The following CCDC117 variants were observed in gnomAD, a reference collection of about 807,000 sequenced individuals.
The protein encoded by CCDC117 is coiled-coil domain-containing protein 117.
CCDC117 carries 1 observed loss-of-function variant against 23.5 expected under a neutral mutation model. The observed-to-expected ratio is 0.04, with a 90% CI of 0.02 to 0.20. CCDC117 has a LOEUF of 0.20. Among genes scored for constraint, CCDC117 ranks in the 10% least tolerant of loss-of-function variants. The pLI, the probability that CCDC117 is intolerant of heterozygous loss-of-function variation, is 1.00. For missense variants in CCDC117, 383 were observed against 348.2 expected (o/e 1.10, Z -0.80); for synonymous variants, 132 against 124.8 (o/e 1.06, Z -0.39).
At position 28,787,331 on chromosome 22, in the gene CCDC117, G is replaced by A. The variant is rs2146258127; in HGVS notation, c.*1005G>A. The A allele has an allele frequency of 6.6e-6, 1 of 152,124 alleles. No individual in the cohort carries two copies. The highest frequency in any genetic ancestry group is 2.1e-4 in the South Asian group (1 of 4,826). The allele number at this position is 152,124 out of a possible 1,614,324, so 9.4% of individuals were successfully genotyped here. A position where few individuals can be genotyped will look rare whatever the true frequency, so the allele number is the denominator to read the frequency against. On this transcript the variant is annotated 3_prime_UTR_variant, in exon 5 of 5. Coordinates refer to ENST00000249064, the MANE Select transcript of CCDC117 (RefSeq NM_173510.4). ...ATTTTTGTATTTTTAATAGAGACCG[G>A]TTTTGCCATGTTGGCCAGGCTGGTC...
rs1000132976 is a variant in CCDC117 at position 28,773,606 on chromosome 22, C to T, written c.186-119C>T. ...TGTGATTTGTACCCATCCCACTAGG[C>T]TCAGAAAGGGACGTTTGGTATGTGG... is the stretch of plus-strand genomic sequence containing the variant. On this transcript the variant is annotated intron_variant, in intron 1 of 4. Transcript: ENST00000249064. The T allele has an allele frequency of 6.4e-6, 5 of 784,088 alleles. No individual in the cohort carries two copies. In the Admixed American group the frequency reaches 1.0e-4, roughly 16 times the overall value. 48.6% of individuals were successfully genotyped at this position (784,088 alleles called of 1,614,324 possible).
chr22:28,786,623 A>G lies in CCDC117; in HGVS notation c.*297A>G. 5 of 285,678 alleles carry G rather than the reference A, an allele frequency of 1.8e-5. No homozygotes were observed. Among genetic ancestry groups the G allele is most frequent in the East Asian group, 7.5e-5 (1 of 13,328 alleles). The allele number at this position is 285,678 out of a possible 1,614,324, so 17.7% of individuals were successfully genotyped here. On this transcript the variant is annotated 3_prime_UTR_variant, in exon 5 of 5. Transcript: ENST00000249064. ...TGTATGTGTAAGGGTGACTTAAATC[A>G]TATGTCACATTGTCTAAACTATTCA...
Position 28,773,791 on chromosome 22 carries a change from GGTT to G in CCDC117, c.239+17_239+19del, listed in dbSNP as rs746098332. The stretch of plus-strand genomic sequence containing the variant: ...AGGAGGATGATGAGTAAGTTTCAGT[GGTT>G]GTTTATTCACTCTGTGGTCACCGTT... On this transcript the variant is annotated intron_variant, in intron 2 of 4. Transcript: ENST00000249064. The G allele has an allele frequency of 3.4e-5, 55 of 1,609,206 alleles. No homozygotes were observed. In the South Asian group the frequency reaches 3.6e-4, roughly 11 times the overall value.
intron 2 of CCDC117, among the ~76,000 whole-genome samples, chr22:28,777,956 TTC>T (rs1206796587): frequency 2.6e-5 from 4 of 151,882 alleles, no homozygotes; most frequent in Admixed American, 2.6e-4. Context: ...GTTCAAGCAA[TTC>T]TCTCAGCCTC....
chr22:28,776,638 G>A (rs1365057408), intron 2 of CCDC117, among the ~76,000 whole-genome samples: 1 of 150,462 alleles, frequency 6.6e-6, no homozygotes, highest in South Asian at 2.1e-4. Context: ...AGGCTGGAGC[G>A]CAATGGTGCA....
intron 2 of CCDC117, among the ~76,000 whole-genome samples, chr22:28,778,513 C>T (rs911358521): frequency 2.0e-5 from 3 of 151,970 alleles, no homozygotes; most frequent in South Asian, 2.1e-4. Flanking sequence ...GGGGCTGAGG[C>T]GGGAGAATTG....
At chr22:28,785,859 G>C (rs1356959359) in intron 4 of CCDC117, among the ~76,000 whole-genome samples, 1 of 151,348 alleles carries the variant, frequency 6.6e-6, no homozygotes, top group Non-Finnish European at 1.5e-5. Context: ...GGAGTTAAAG[G>C]CTGCGGTGAG....
chr22:28,776,730 A>G (rs965683169), intron 2 of CCDC117, among the ~76,000 whole-genome samples: 1 of 151,468 alleles, frequency 6.6e-6, no homozygotes, highest in Admixed American at 6.6e-5. Context: ...GATTACAGGC[A>G]TGTGCCTCCA....
intron 3 of CCDC117, among the ~76,000 whole-genome samples, chr22:28,782,334 C>T (rs927906596): frequency 1.4e-5 from 2 of 146,282 alleles, no homozygotes; most frequent in South Asian, 4.5e-4. Context: ...TCGGCGCTCA[C>T]TGCAACCTCC....
Position 28,786,514 on chromosome 22 carries a change from T to A in CCDC117, c.*188T>A. 1 of 552,836 alleles carries A rather than the reference T, an allele frequency of 1.8e-6. No homozygotes were observed. Among genetic ancestry groups the A allele is most frequent in the African/African-American group, 1.9e-5 (1 of 53,140 alleles). The allele number at this position is 552,836 out of a possible 1,614,324, so 34.2% of individuals were successfully genotyped here. ...TGACTTCACCTTTTTGCCAAGGACGTTTGTCTCAAGGGAAAAGCAGTTTTC... is the reference window on the plus strand; with the variant it reads ...TGACTTCACCTTTTTGCCAAGGACGATTGTCTCAAGGGAAAAGCAGTTTTC... On this transcript the variant is annotated 3_prime_UTR_variant, in exon 5 of 5. Transcript: ENST00000249064.
At chr22:28,774,327 A>G (rs2031097368) in intron 2 of CCDC117, among the ~76,000 whole-genome samples, 1 of 150,500 alleles carries the variant, frequency 6.6e-6, no homozygotes, top group East Asian at 1.9e-4. Flanking sequence ...TCAGCCTCCC[A>G]AAGTGCTGAG....
Position 28,772,726 on chromosome 22 carries a change from G to C in CCDC117, c.-124G>C. On this transcript the variant is annotated 5_prime_UTR_variant, in exon 1 of 5. Transcript: ENST00000249064. ...CCTGAGGTGGAGGGTTCTAGAAGGC[G>C]TGACGTGGGGTCGAGAGCGGGATCC... 2.7e-6 allele frequency: 2 copies of C among 743,426 alleles called. No individual in the cohort carries two copies. Among genetic ancestry groups the C allele is most frequent in the Non-Finnish European group, 1.8e-6 (1 of 551,096 alleles). The allele number at this position is 743,426 out of a possible 1,614,324, so 46.1% of individuals were successfully genotyped here.
At position 28,787,082 on chromosome 22, in the gene CCDC117, A is replaced by C. The variant is rs73881146; in HGVS notation, c.*756A>C. ...AAGATTATGAGGTAACCCATCTGCA[A>C]TTTGCCTGTGGGAGAAGCATCCTTT... On this transcript the variant is annotated 3_prime_UTR_variant, in exon 5 of 5. Transcript: ENST00000249064. 1 of 152,728 alleles carries C rather than the reference A, an allele frequency of 6.5e-6. No individual in the cohort carries two copies. Among genetic ancestry groups the C allele is most frequent in the Admixed American group, 6.5e-5 (1 of 15,298 alleles). 9.5% of individuals were successfully genotyped at this position (152,728 alleles called of 1,614,324 possible). A position where few individuals can be genotyped will look rare whatever the true frequency, so the allele number is the denominator to read the frequency against.
In CCDC117 at chr22:28,773,900, A is replaced by G. The variant is rs2031078907; in HGVS notation, c.239+122A>G. 3.9e-6 allele frequency: 3 copies of G among 766,720 alleles called. No homozygotes were observed. The South Asian group carries it at 4.6e-5, about 12-fold the overall frequency. 47.5% of individuals were successfully genotyped at this position (766,720 alleles called of 1,614,324 possible). A position where few individuals can be genotyped will look rare whatever the true frequency, so the allele number is the denominator to read the frequency against. ...GAGTGTCTCTGGAAAGAGACACAGA[A>G]ATTAGTGACATTGGTTGTCTTTTAG... On this transcript the variant is annotated intron_variant, in intron 2 of 4. Coordinates refer to ENST00000249064, the MANE Select transcript of CCDC117 (RefSeq NM_173510.4).
chr22:28,785,772 T>C (rs2031492161), intron 4 of CCDC117, among the ~76,000 whole-genome samples: 1 of 152,080 alleles, frequency 6.6e-6, no homozygotes, highest in Admixed American at 6.6e-5. Context: ...TAAAGATCAG[T>C]TGGAGCCAGG....
rs574120183 is a variant in CCDC117 at position 28,784,132 on chromosome 22, T to C, written c.602+487T>C. ...CTTCCAGGCCTTTAGCAGAACTGTT[T>C]TGCTCTTAATCTAAACACAGTTTAT... On this transcript the variant is annotated intron_variant, in intron 4 of 4. Coordinates refer to ENST00000249064, the MANE Select transcript of CCDC117 (RefSeq NM_173510.4). 3.9e-5 allele frequency among the ~76,000 whole-genome samples: 6 copies of C among 152,378 alleles called. No individual in the cohort carries two copies. The East Asian group carries it at 9.6e-4, about 24-fold the overall frequency.
At chr22:28,781,322 G>GT (rs1569198880) in intron 3 of CCDC117, 150 bp downstream of exon 3, 3 of 262,216 alleles carry the variant, frequency 1.1e-5, no homozygotes, top group Non-Finnish European at 2.5e-5. Flanking sequence ...ATTCGTTTTT[G>GT]TTTTTTTGTT....
In CCDC117 at chr22:28,781,081, A is replaced by C. The variant is rs755341487; in HGVS notation, c.373A>C (p.Ile125Leu). The C allele has an allele frequency of 6.2e-7, 1 of 1,613,914 alleles. No individual in the cohort carries two copies. The highest frequency in any genetic ancestry group is 2.2e-5 in the East Asian group (1 of 44,868). Residue 125 changes from isoleucine (I) to leucine (L), a missense_variant, in exon 3 of 5, where the codon ATA becomes CTA. Ile to Leu is a conservative substitution (Grantham distance 5). Transcript: ENST00000249064. ...TGTTAGTGGCCTTTCCATACCTGGG[A>C]TATTAGATGTTATTTGTGAAGAAAT... ...PSVSGLSIPGILDVICEEMDQ... is the reference protein window; with the variant it reads ...PSVSGLSIPGLLDVICEEMDQ...
At chr22:28,776,673 C>T (rs1222549920) in intron 2 of CCDC117, among the ~76,000 whole-genome samples, 1 of 151,866 alleles carries the variant, frequency 6.6e-6, no homozygotes, top group Non-Finnish European at 1.5e-5. Flanking sequence ...CAACCTCTCC[C>T]TCCCAGCTTC....
Sources: gnomAD v4.1 joint callset for allele counts (sites outside exome capture counted in the v4.1 genomes callset) on GRCh38, gnomAD v4.1.1 for gene constraint, MANE v1.5 for transcripts, NCBI Gene and HGNC (gene_info 2026-07-23, HGNC 2026-07-21) for gene names.